The following SLC22A23 variants were observed in gnomAD, a reference collection of about 807,000 sequenced individuals.
SLC22A23 encodes ion transporter protein.
SLC22A23 carries 26 observed loss-of-function variants against 61.0 expected under a neutral mutation model. That is an observed-to-expected ratio of 0.43 (90% CI 0.31 to 0.59). The LOEUF (loss-of-function observed/expected upper bound fraction) is 0.59, where lower values mean the gene tolerates loss of function less well. SLC22A23 is among the 20% of genes least tolerant of loss of function. The pLI, the probability that SLC22A23 is intolerant of heterozygous loss-of-function variation, is 0.11. For synonymous variants in SLC22A23, 430 were observed against 413.9 expected, an observed-to-expected ratio of 1.04 and a Z score of -0.47; for missense variants, 796 against 934.7, an observed-to-expected ratio of 0.85 and a Z score of 1.94.
chr6:3,415,959 G>C lies in SLC22A23; in HGVS notation c.655-104C>G, dbSNP rs908569971. ...ATAACCCTGCAGGGACCACCGCACC[G>C]TTGCCAGTACCATGCCATATACACC... On this transcript the variant is annotated intron_variant, in intron 1 of 9. Transcript: ENST00000406686. 3.9e-6 allele frequency: 3 copies of C among 760,174 alleles called. No individual in the cohort carries two copies. In the African/African-American group the frequency reaches 5.2e-5, roughly 13 times the overall value. 47.1% of individuals were successfully genotyped at this position (760,174 alleles called of 1,614,324 possible).
intron 3 of SLC22A23, among the ~76,000 whole-genome samples, chr6:3,383,868 T>C (rs553819623): frequency 1.3e-5 from 2 of 152,324 alleles, no homozygotes; most frequent in East Asian, 1.9e-4. Context: ...CTAAAAGCAA[T>C]GAGAGCCTTT....
chr6:3,432,832 T>G (rs773259958), intron 1 of SLC22A23, among the ~76,000 whole-genome samples: 2 of 152,176 alleles, frequency 1.3e-5, no homozygotes, highest in African/African-American at 2.4e-5. Flanking sequence ...AGCAGGCAAA[T>G]CAGGAGGCCT....
intron 3 of SLC22A23, among the ~76,000 whole-genome samples, chr6:3,340,027 T>A (rs985894919): frequency 6.6e-6 from 1 of 151,968 alleles, no homozygotes; most frequent in African/African-American, 2.4e-5. Context: ...CATATGAAAT[T>A]AAAAATGTGT....
intron 3 of SLC22A23, among the ~76,000 whole-genome samples, chr6:3,368,769 TA>T (rs1393449183): frequency 2.6e-5 from 4 of 152,114 alleles, no homozygotes; most frequent in African/African-American, 9.7e-5. Flanking sequence ...CCAAGATTAG[TA>T]GAGATGCCAA....
At chr6:3,429,756 A>G (rs1770738619) in intron 1 of SLC22A23, among the ~76,000 whole-genome samples, 1 of 152,256 alleles carries the variant, frequency 6.6e-6, no homozygotes, top group Non-Finnish European at 1.5e-5. Flanking sequence ...CATGCTACAC[A>G]TGGATGAACC....
intron 1 of SLC22A23, among the ~76,000 whole-genome samples, chr6:3,430,062 C>G (rs181833315): frequency 3.7e-4 from 57 of 152,184 alleles, no homozygotes; most frequent in African/African-American, 1.3e-3. Context: ...TTCCCACACG[C>G]ACACACAAAA....
chr6:3,348,549 G>A (rs1326969989), intron 3 of SLC22A23, among the ~76,000 whole-genome samples: 1 of 152,184 alleles, frequency 6.6e-6, no homozygotes, highest in Non-Finnish European at 1.5e-5. Flanking sequence ...CCCTGTTGAT[G>A]GAAAAATGCA....
At chr6:3,353,426 G>A (rs1764891680) in intron 3 of SLC22A23, among the ~76,000 whole-genome samples, 1 of 152,178 alleles carries the variant, frequency 6.6e-6, no homozygotes, top group Non-Finnish European at 1.5e-5. Context: ...CTCAACATCT[G>A]GCTTGAGCGG....
At chr6:3,402,702 C>T (rs191466365) in intron 3 of SLC22A23, among the ~76,000 whole-genome samples, 2 of 151,574 alleles carry the variant, frequency 1.3e-5, no homozygotes, top group Non-Finnish European at 2.9e-5. Context: ...ACTCACAGCT[C>T]AGGAGTCTCC....
intron 3 of SLC22A23, among the ~76,000 whole-genome samples, chr6:3,336,228 A>G (rs1190133648): frequency 1.3e-5 from 2 of 152,208 alleles, no homozygotes; most frequent in African/African-American, 4.8e-5. Context: ...GGAGGCTGCG[A>G]GTCAGAATGT....
Position 3,456,593 on chromosome 6 carries a change from G to A in SLC22A23, c.-34C>T. The A allele has an allele frequency of 1.0e-6, 1 of 980,838 alleles. No individual in the cohort carries two copies. Among genetic ancestry groups the A allele is most frequent in the Non-Finnish European group, 1.2e-6 (1 of 828,434 alleles). The allele number at this position is 980,838 out of a possible 1,614,324, so 60.8% of individuals were successfully genotyped here. ...CCCGCGGCTCCCGCAGAGGCGCATA[G>A]AGCGCGGCGGAGGCTCCGCGGGCGC... is the stretch of plus-strand genomic sequence containing the variant. On this transcript the variant is annotated 5_prime_UTR_variant, in exon 1 of 10. Coordinates refer to ENST00000406686, the MANE Select transcript of SLC22A23 (RefSeq NM_015482.2). The surrounding 1 kb of genome is among the most constrained non-coding windows in gnomAD (Gnocchi z 7.1).
chr6:3,436,603 G>A (rs1363246648), intron 1 of SLC22A23, among the ~76,000 whole-genome samples: 1 of 152,128 alleles, frequency 6.6e-6, no homozygotes, highest in South Asian at 2.1e-4. Context: ...GCACATCCCA[G>A]GGATTCCCAA....
At position 3,286,080 on chromosome 6, in the gene SLC22A23, A is replaced by C. The variant is rs1581608548; in HGVS notation, c.1546+779T>G. On this transcript the variant is annotated intron_variant, in intron 7 of 9. Transcript: ENST00000406686. This position sits in a 1 kb window ranked among gnomAD's most constrained non-coding sequence, Gnocchi z 4.2. ...AGAGCTTGCTGGAAGGGCCAGATGG[A>C]CTCTCTAGCTTTGCCTTAGATTTTT... is the stretch of plus-strand genomic sequence containing the variant. 6.9e-6 allele frequency among the ~76,000 whole-genome samples: 1 copy of C among 145,960 alleles called. No homozygotes were observed. Among genetic ancestry groups the C allele is most frequent in the Non-Finnish European group, 1.5e-5 (1 of 67,040 alleles).
intron 1 of SLC22A23, among the ~76,000 whole-genome samples, chr6:3,418,367 T>G (rs1769879095): frequency 6.6e-6 from 1 of 152,206 alleles, no homozygotes; most frequent in African/African-American, 2.4e-5. Flanking sequence ...GCAGAAGAAA[T>G]TTTAATAAAG....
intron 3 of SLC22A23, among the ~76,000 whole-genome samples, chr6:3,344,646 T>C (rs1230010306): frequency 6.6e-6 from 1 of 152,240 alleles, no homozygotes; most frequent in Non-Finnish European, 1.5e-5. Context: ...GAGTGATGTA[T>C]AAAGATCCTT....
At position 3,410,866 on chromosome 6, in the gene SLC22A23, T is replaced by C. The variant is rs1028246600; in HGVS notation, c.759-524A>G. Among the ~76,000 whole-genome samples the C allele has an allele frequency of 1.3e-5, 2 of 152,202 alleles. No homozygotes were observed. The highest frequency in any genetic ancestry group is 2.9e-5 in the Non-Finnish European group (2 of 68,038). On this transcript the variant is annotated intron_variant, in intron 2 of 9. Transcript: ENST00000406686. This position sits in a 1 kb window ranked among gnomAD's most constrained non-coding sequence, Gnocchi z 5.0. ...AGGGCCAAGCCATCTGTCAATTTGT[T>C]TCAGCTACACGACGAGAAGTAATTT... is the stretch of plus-strand genomic sequence containing the variant.
Position 3,360,141 on chromosome 6 carries a change from T to A in SLC22A23, c.914-36139A>T, listed in dbSNP as rs1304196334. Among the ~76,000 whole-genome samples the A allele has an allele frequency of 2.6e-5, 4 of 151,728 alleles. No individual in the cohort carries two copies. Among genetic ancestry groups the A allele is most frequent in the Non-Finnish European group, 5.9e-5 (4 of 67,926 alleles). ...TGGGGAGTGTTTATTGGGGACAGAG[T>A]TTGTTTGGGAAGATGAAAAGACCTC... On this transcript the variant is annotated intron_variant, in intron 3 of 9. Coordinates refer to ENST00000406686, the MANE Select transcript of SLC22A23 (RefSeq NM_015482.2). This position sits in a 1 kb window ranked among gnomAD's most constrained non-coding sequence, Gnocchi z 4.6.
intron 3 of SLC22A23, among the ~76,000 whole-genome samples, chr6:3,349,947 G>A (rs1169415855): frequency 1.3e-5 from 2 of 152,174 alleles, no homozygotes; most frequent in South Asian, 2.1e-4. Context: ...GATCACGGTC[G>A]CCTTCATCCC....
intron 3 of SLC22A23, among the ~76,000 whole-genome samples, chr6:3,352,827 A>G (rs1764854498): frequency 6.6e-6 from 1 of 152,208 alleles, no homozygotes; most frequent in African/African-American, 2.4e-5. Context: ...CAGAGCCAAC[A>G]GCAGTTTAGA....
Sources: gnomAD v4.1 joint callset for allele counts (sites outside exome capture counted in the v4.1 genomes callset) on GRCh38, gnomAD v4.1.1 for gene constraint, Gnocchi (gnomAD v3.1) non-coding constraint, MANE v1.5 for transcripts, NCBI Gene and HGNC (gene_info 2026-07-23, HGNC 2026-07-21) for gene names.